The following ERBB4 variants were observed in gnomAD, a reference collection of about 807,000 sequenced individuals.
ERBB4 encodes the protein receptor tyrosine-protein kinase erbB-4.
In ERBB4, 42 loss-of-function variants were observed where a neutral mutation model predicts 158.0. That is an observed-to-expected ratio of 0.27 (90% CI 0.21 to 0.34). The LOEUF (loss-of-function observed/expected upper bound fraction) is 0.34, where lower values mean the gene tolerates loss of function less well. Among genes scored for constraint, ERBB4 ranks in the 10% least tolerant of loss-of-function variants. The pLI, the probability that ERBB4 is intolerant of heterozygous loss-of-function variation, is 1.00. For missense variants in ERBB4, 1,333 were observed against 1,624.1 expected (o/e 0.82, Z 3.08); for synonymous variants, 583 against 558.7 (o/e 1.04, Z -0.61).
intron 1 of ERBB4, among the ~76,000 whole-genome samples, chr2:212,414,504 G>T (rs539226303): frequency 6.6e-6 from 1 of 152,174 alleles, no homozygotes; most frequent in African/African-American, 2.4e-5. Flanking sequence ...GCTCTGAACT[G>T]TTTCATTCTA....
At chr2:212,304,848 G>A (rs2086751066) in intron 1 of ERBB4, among the ~76,000 whole-genome samples, 1 of 151,362 alleles carries the variant, frequency 6.6e-6, no homozygotes, top group Non-Finnish European at 1.5e-5. Context: ...TAATTTATAT[G>A]TAATCAGAGA....
intron 20 of ERBB4, among the ~76,000 whole-genome samples, chr2:211,561,474 T>A (rs2067390456): frequency 6.6e-6 from 1 of 152,208 alleles, no homozygotes; most frequent in Admixed American, 6.5e-5. Flanking sequence ...TAAGAATATA[T>A]TTAGACTTTG....
intron 20 of ERBB4, among the ~76,000 whole-genome samples, chr2:211,529,830 G>T (rs77131763): frequency 6.6e-6 from 1 of 152,050 alleles, no homozygotes; most frequent in South Asian, 2.1e-4. Context: ...ACTAAGTGTA[G>T]AAGGAACACA....
chr2:212,146,109 C>T (rs906790015), intron 1 of ERBB4, among the ~76,000 whole-genome samples: 4 of 152,138 alleles, frequency 2.6e-5, no homozygotes, highest in African/African-American at 9.7e-5. Context: ...ATCCTGGCAT[C>T]TTGACATTAT....
At chr2:212,017,754 G>C (rs540843410) in intron 2 of ERBB4, among the ~76,000 whole-genome samples, 1 of 152,108 alleles carries the variant, frequency 6.6e-6, no homozygotes, top group Non-Finnish European at 1.5e-5. Context: ...CTGGCCTACA[G>C]TGGATATATC....
intron 1 of ERBB4, among the ~76,000 whole-genome samples, chr2:212,335,281 A>G (rs2088376109): frequency 1.3e-5 from 2 of 152,114 alleles, no homozygotes; most frequent in African/African-American, 2.4e-5. Context: ...TATATAATAC[A>G]TAAGATTCAT....
chr2:211,662,399 T>C (rs1419222623), intron 15 of ERBB4, among the ~76,000 whole-genome samples: 1 of 152,198 alleles, frequency 6.6e-6, no homozygotes, highest in Admixed American at 6.5e-5. Context: ...AATTCTTGCT[T>C]ATCATTTCAA....
rs1342437259 is a variant in ERBB4 at position 212,039,838 on chromosome 2, C to CA, written c.234+84913dup. Among the ~76,000 whole-genome samples the CA allele has an allele frequency of 4.8e-4, 73 of 150,770 alleles. 2 individuals are homozygous for CA. Among genetic ancestry groups the CA allele is most frequent in the African/African-American group, 2.4e-4 (10 of 41,084 alleles). On this transcript the variant is annotated intron_variant, in intron 2 of 27. Coordinates refer to ENST00000342788, the MANE Select transcript of ERBB4 (RefSeq NM_005235.3). ...TGCCACACACAAATGCCTACCACCA[C>CA]AAAAAAAAGAAAAGAAAAGAAAAGG...
At chr2:211,993,913 T>A (rs1350098920) in intron 2 of ERBB4, among the ~76,000 whole-genome samples, 1 of 151,858 alleles carries the variant, frequency 6.6e-6, no homozygotes, top group Non-Finnish European at 1.5e-5. Context: ...CTTACTTTTT[T>A]ATAATTATAT....
intron 2 of ERBB4, among the ~76,000 whole-genome samples, chr2:212,068,680 T>A (rs1410531370): frequency 1.3e-5 from 2 of 152,072 alleles, no homozygotes; most frequent in Non-Finnish European, 2.9e-5. Context: ...ATACGCTCTT[T>A]GTTCTTTGTC....
chr2:211,655,894 C>T (rs986176822), intron 16 of ERBB4, among the ~76,000 whole-genome samples: 5 of 152,164 alleles, frequency 3.3e-5, no homozygotes, highest in Non-Finnish European at 7.3e-5. Flanking sequence ...CTAGCACATG[C>T]TTCGCTTTCT....
chr2:212,529,680 A>G (rs1692645570), intron 1 of ERBB4, among the ~76,000 whole-genome samples: 1 of 152,228 alleles, frequency 6.6e-6, no homozygotes, highest in Admixed American at 6.5e-5. Context: ...GTGGCACCAC[A>G]TTAGTCTCTG....
At chr2:212,465,497 T>C (rs188372156) in intron 1 of ERBB4, among the ~76,000 whole-genome samples, 160 of 152,294 alleles carry the variant, frequency 1.1e-3, no homozygotes, top group Admixed American at 5.0e-3. Context: ...CTACAAAATA[T>C]ACACACACCT....
intron 20 of ERBB4, among the ~76,000 whole-genome samples, chr2:211,516,243 A>C (rs1481299903): frequency 2.0e-5 from 3 of 151,586 alleles, no homozygotes; most frequent in Non-Finnish European, 4.4e-5. Context: ...ACCACCACAC[A>C]GCCATATCTG....
intron 25 of ERBB4, among the ~76,000 whole-genome samples, chr2:211,392,048 C>T (rs1036457620): frequency 4.6e-5 from 7 of 152,202 alleles, no homozygotes; most frequent in South Asian, 2.1e-4. Flanking sequence ...CTCTGTAAGA[C>T]GTTGCTAATC....
At chr2:211,946,667 C>T (rs1030558883) in intron 3 of ERBB4, among the ~76,000 whole-genome samples, 3 of 128,388 alleles carry the variant, frequency 2.3e-5, no homozygotes, top group Non-Finnish European at 4.7e-5. Flanking sequence ...CAATAAGCAG[C>T]TCATTTTGAT....
At chr2:211,392,597 CA>C (rs1559122605) in intron 25 of ERBB4, among the ~76,000 whole-genome samples, 9 of 142,662 alleles carry the variant, frequency 6.3e-5, no homozygotes, top group African/African-American at 7.7e-5. Context: ...CACACACACA[CA>C]CACCCCAATA....
intron 3 of ERBB4, among the ~76,000 whole-genome samples, chr2:211,805,807 A>T (rs1052674326): frequency 6.6e-6 from 1 of 152,236 alleles, no homozygotes; most frequent in South Asian, 2.1e-4. Context: ...ATACAAAAAA[A>T]ATTCTATTCT....
intron 3 of ERBB4, 131 bp from the exon 4 acceptor site, chr2:211,788,290 C>G: frequency 5.9e-6 from 4 of 673,438 alleles, no homozygotes; most frequent in Non-Finnish European, 7.8e-6. Flanking sequence ...GCCAAGATAT[C>G]TTTTAAAATA....
Sources: allele counts gnomAD v4.1 joint callset (sites outside exome capture counted in the v4.1 genomes callset), GRCh38; gene constraint gnomAD v4.1.1; transcripts MANE v1.5; gene names NCBI Gene and HGNC (gene_info 2026-07-23, HGNC 2026-07-21).